Variants in TJP1 observed in about 807,000 individuals in gnomAD.
TJP1 encodes the protein tight junction protein ZO-1.
TJP1 carries 43 observed loss-of-function variants against 194.2 expected under a neutral mutation model. The ratio of observed to expected loss-of-function variants is 0.22; its 90% confidence interval spans 0.17 to 0.29. The LOEUF is 0.29. Among genes scored for constraint, TJP1 ranks in the 10% least tolerant of loss-of-function variants. TJP1 has a pLI of 1.00. For missense variants in TJP1, 1,971 were observed against 2,185.7 expected (o/e 0.90, Z 1.96); for synonymous variants, 801 against 779.0 (o/e 1.03, Z -0.47).
At chr15:29,865,330 G>A (rs188608202) in intron 2 of TJP1, among the ~76,000 whole-genome samples, 382 of 152,286 alleles carry the variant, frequency 2.5e-3, no homozygotes, top group Non-Finnish European at 3.9e-3. Flanking sequence ...TCTTACAAAT[G>A]TTAATGTAAA....
rs754335765 is a variant in TJP1 at position 29,718,639 on chromosome 15, T to C, written c.3503A>G (p.His1168Arg). 2 of 1,614,034 alleles carry C rather than the reference T, an allele frequency of 1.2e-6. No homozygotes were observed. The highest frequency in any genetic ancestry group is 2.2e-5 in the East Asian group (1 of 44,884). Residue 1168 changes from histidine to arginine, a missense_variant, in exon 21 of 28, where the codon CAT becomes CGT. Coordinates refer to ENST00000614355, the MANE Select transcript of TJP1 (RefSeq NM_001330239.4). Reference sequence around the variant, plus strand: ...CTGGGCTTCCGGTCTGAGTCTACCATGTGTGTCATACCCAGGAGCTGGCTG... The same window carrying C: ...CTGGGCTTCCGGTCTGAGTCTACCACGTGTGTCATACCCAGGAGCTGGCTG... ...EEQPAPGYDTHGRLRPEAQPH... is the reference protein window; with the variant it reads ...EEQPAPGYDTRGRLRPEAQPH...
Position 29,719,879 on chromosome 15 carries a change from G to C in TJP1, c.2901C>G (p.Tyr967Ter). ...TTCTTAAAGAATCAGCTTGTGGTGA[G>C]TAAGAGGTGGAAGGAGCTGGGGTGG... is the stretch of plus-strand genomic sequence containing the variant. Reference protein sequence around the residue: ...EEPTPAPSTSYSPQADSLRTP... With the variant: ...EEPTPAPSTS The change falls in exon 20 of 28, where the codon TAC becomes TAG. Residue 967 changes from tyrosine (Y) to a stop codon, truncating the protein, a stop_gained. Coordinates refer to ENST00000614355, the MANE Select transcript of TJP1 (RefSeq NM_001330239.4). LOFTEE classifies it high-confidence loss of function. 1 of 1,614,206 alleles carries C rather than the reference G, an allele frequency of 6.2e-7. No individual in the cohort carries two copies. Among genetic ancestry groups the C allele is most frequent in the Non-Finnish European group, 8.5e-7 (1 of 1,180,024 alleles).
chr15:29,878,101 G>A (rs1023946593), intron 2 of TJP1, among the ~76,000 whole-genome samples: 2 of 152,048 alleles, frequency 1.3e-5, no homozygotes, highest in Non-Finnish European at 2.9e-5. Context: ...CCAGGCTGGA[G>A]TGCAGTGGTG....
intron 2 of TJP1, among the ~76,000 whole-genome samples, chr15:29,890,134 C>T (rs1277629127): frequency 1.3e-5 from 2 of 152,190 alleles, no homozygotes; most frequent in African/African-American, 4.8e-5. Flanking sequence ...CAGAGAGTGG[C>T]CATCCACCCC....
intron 2 of TJP1, among the ~76,000 whole-genome samples, chr15:29,914,652 T>C (rs1443888072): frequency 6.6e-6 from 1 of 152,036 alleles, no homozygotes; most frequent in Non-Finnish European, 1.5e-5. Flanking sequence ...TGTCACCATA[T>C]GGGAGTCGAG....
intron 2 of TJP1, among the ~76,000 whole-genome samples, chr15:29,860,052 T>C (rs565945542): frequency 6.6e-6 from 1 of 152,296 alleles, no homozygotes; most frequent in South Asian, 2.1e-4. Flanking sequence ...AGCCTCCACA[T>C]TGACTGTCAG....
chr15:29,728,474 T>C (rs2043384884), intron 15 of TJP1: 1 of 160,932 alleles, frequency 6.2e-6, no homozygotes, highest in South Asian at 1.8e-4. Flanking sequence ...CCATCGGTAA[T>C]GGTGCTATAG....
At chr15:29,885,673 G>A (rs367572631) in intron 2 of TJP1, among the ~76,000 whole-genome samples, 71 of 152,312 alleles carry the variant, frequency 4.7e-4, no homozygotes, top group African/African-American at 1.5e-3. Context: ...AACTGACCTA[G>A]AATTGCCAAC....
intron 8 of TJP1, among the ~76,000 whole-genome samples, chr15:29,746,732 T>C (rs1196152081): frequency 6.6e-6 from 1 of 151,964 alleles, no homozygotes; most frequent in Non-Finnish European, 1.5e-5. Context: ...TTAACGTATA[T>C]TATTAGTAGT....
chr15:29,801,067 T>C (rs907204070), intron 1 of TJP1, among the ~76,000 whole-genome samples: 2 of 152,246 alleles, frequency 1.3e-5, no homozygotes. Context: ...GCATCTCTTA[T>C]GTTTTACAAA....
chr15:29,834,819 T>A (rs1028412374), intron 2 of TJP1, among the ~76,000 whole-genome samples: 7 of 152,168 alleles, frequency 4.6e-5, no homozygotes, highest in Non-Finnish European at 1.0e-4. Context: ...GGGGAGAACT[T>A]CTGTTCTTCT....
chr15:29,742,407 G>GC (rs1409014256), intron 9 of TJP1, among the ~76,000 whole-genome samples: 5 of 152,272 alleles, frequency 3.3e-5, no homozygotes, highest in African/African-American at 4.8e-5. Flanking sequence ...TTTACTAATT[G>GC]CAAGAAGTTG....
At chr15:29,913,240 C>T (rs2054079794) in intron 2 of TJP1, among the ~76,000 whole-genome samples, 3 of 151,828 alleles carry the variant, frequency 2.0e-5, no homozygotes, top group East Asian at 1.9e-4. Flanking sequence ...AGATTAAATA[C>T]ACTAGAATTT....
intron 2 of TJP1, among the ~76,000 whole-genome samples, chr15:29,780,712 A>C (rs1010747099): frequency 6.6e-6 from 1 of 152,210 alleles, no homozygotes; most frequent in Non-Finnish European, 1.5e-5. Flanking sequence ...ACAAGAAGAT[A>C]CAAGACATGA....
chr15:29,938,123 A>T (rs1275378669), intron 2 of TJP1, among the ~76,000 whole-genome samples: 1 of 152,256 alleles, frequency 6.6e-6, no homozygotes, highest in Non-Finnish European at 1.5e-5. Flanking sequence ...ACAGGTTTTT[A>T]AAATGTAAAC....
chr15:29,718,945 T>C lies in TJP1; in HGVS notation c.3197A>G (p.Tyr1066Cys), dbSNP rs377385536. ...ATAGTTTCGAGAAAACTGGTCCGTA[T>C]AGCTTGAGGACTCGTATCTGTATGT... is the stretch of plus-strand genomic sequence containing the variant. ...QPTYRYESSS[Y>C]TDQFSRNYEH... Residue 1066 changes from tyrosine (Y) to cysteine (C), a missense_variant, in exon 21 of 28, where the codon TAT (tyrosine) becomes TGT (cysteine). This residue lies in a region of TJP1 where 1,108 missense variants were observed against 1,128.5 expected (regional missense o/e 0.98). Coordinates refer to ENST00000614355, the MANE Select transcript of TJP1 (RefSeq NM_001330239.4). 8.1e-6 allele frequency: 13 copies of C among 1,614,084 alleles called. No homozygotes were observed. The highest frequency in any genetic ancestry group is 1.6e-4 in the Middle Eastern group (1 of 6,084).
intron 2 of TJP1, among the ~76,000 whole-genome samples, chr15:29,857,293 G>GTT (rs919384251): frequency 7.1e-6 from 1 of 140,150 alleles, no homozygotes. Flanking sequence ...AATGGATACT[G>GTT]TTTTTTTTTT....
chr15:29,843,377 C>T (rs1051719057), intron 2 of TJP1, among the ~76,000 whole-genome samples: 5 of 152,010 alleles, frequency 3.3e-5, no homozygotes, highest in Middle Eastern at 3.4e-3. Context: ...GTAGTAGAGA[C>T]GGGGTTTCTC....
At position 29,726,817 on chromosome 15, in the gene TJP1, G is replaced by A; in HGVS notation, c.2275C>T (p.His759Tyr). The change falls in exon 17 of 28, where the codon CAT (histidine) becomes TAT (tyrosine). Residue 759 changes from histidine (H) to tyrosine (Y), a missense_variant. His to Tyr is a moderately conservative substitution (Grantham distance 83). Coordinates refer to ENST00000614355, the MANE Select transcript of TJP1 (RefSeq NM_001330239.4). ...TGGTGATTATTTTTACGAAGTTTAT[G>A]AGATCGCTCGTATAACTTCCTGGCA... ...KSARKLYERS[H>Y]KLRKNNHHLF... The A allele has an allele frequency of 1.9e-6, 3 of 1,614,108 alleles. No individual in the cohort carries two copies. The highest frequency in any genetic ancestry group is 1.3e-5 in the African/African-American group (1 of 75,030).
Sources: allele counts gnomAD v4.1 joint callset (sites outside exome capture counted in the v4.1 genomes callset), GRCh38; gene constraint gnomAD v4.1.1; regional missense constraint gnomAD v4.1.1; transcripts MANE v1.5; gene names NCBI Gene and HGNC (gene_info 2026-07-23, HGNC 2026-07-21).